The following P2RX5 variants were observed in gnomAD, a reference collection of about 807,000 sequenced individuals.
P2RX5 encodes the protein P2X purinoceptor 5.
P2RX5 carries 46 observed loss-of-function variants against 54.1 expected under a neutral mutation model. That is an observed-to-expected ratio of 0.85 (90% CI 0.67 to 1.09). The LOEUF is 1.09. Among genes scored for constraint, P2RX5 ranks in the 50% least tolerant of loss-of-function variants. The pLI is 0.00. For missense variants in P2RX5, 566 were observed against 549.8 expected (o/e 1.03, Z -0.29); for synonymous variants, 226 against 226.4 (o/e 1.00, Z 0.02).
chr17:3,723,406 A>G, the P2RX5 span: 1 of 1,520,818 alleles, frequency 6.6e-7, no homozygotes, highest in Non-Finnish European at 9.1e-7. Context: ...GGTCTAGTGA[A>G]CACAATTCCT....
chr17:3,684,786 A>C (rs1250589427), intron 9 of P2RX5, among the ~76,000 whole-genome samples: 3 of 151,880 alleles, frequency 2.0e-5, no homozygotes, highest in Non-Finnish European at 4.4e-5. Context: ...CCACCCAAAA[A>C]GTCAGCAGCA....
the P2RX5 span, among the ~76,000 whole-genome samples, chr17:3,703,170 C>G: frequency 6.6e-6 from 1 of 152,108 alleles, no homozygotes; most frequent in Admixed American, 6.6e-5. Context: ...ATGGGCTGAG[C>G]CTTTAGAGAC....
intron 11 of P2RX5, chr17:3,676,592 T>C: frequency 1.0e-6 from 1 of 985,336 alleles, no homozygotes. Context: ...GACCTAGAAA[T>C]TGGCTCCATC....
the P2RX5 span, among the ~76,000 whole-genome samples, chr17:3,708,956 C>G: frequency 6.6e-6 from 1 of 151,778 alleles, no homozygotes; most frequent in East Asian, 1.9e-4. Flanking sequence ...GGTTTTCTTT[C>G]TTTTCTTTTT....
chr17:3,688,931 C>T (rs2050524967), intron 7 of P2RX5, among the ~76,000 whole-genome samples, 172 bp from the exon 8 acceptor site: 1 of 152,230 alleles, frequency 6.6e-6, no homozygotes, highest in African/African-American at 2.4e-5. Context: ...GCTGAGAACA[C>T]TGCGTCGTCC....
At chr17:3,693,583 C>G (rs981254006) in intron 1 of P2RX5, among the ~76,000 whole-genome samples, 29 of 151,864 alleles carry the variant, frequency 1.9e-4, no homozygotes, top group Middle Eastern at 3.2e-3. Flanking sequence ...TAAAAAAATA[C>G]AAAAATTAGC....
chr17:3,675,872 G>A (rs1309083907), intron 11 of P2RX5: 6 of 985,206 alleles, frequency 6.1e-6, no homozygotes, highest in Non-Finnish European at 7.2e-6. Context: ...TTTCTAATCA[G>A]AGAGCAGTAT....
chr17:3,716,685 G>C, the P2RX5 span: 1 of 1,550,448 alleles, frequency 6.4e-7, no homozygotes, highest in Non-Finnish European at 8.9e-7. Flanking sequence ...GAGTAGAACT[G>C]ACCTTGAACA....
Position 3,681,942 on chromosome 17 carries a change from TGAG to T in P2RX5, c.1015_1017del (p.Leu339del). The T allele has an allele frequency of 6.2e-7, 1 of 1,613,722 alleles. No homozygotes were observed. The highest frequency in any genetic ancestry group is 8.5e-7 in the Non-Finnish European group (1 of 1,179,718). ...TCACGGTAAAACTCTCTCTTTTTGATGAGGTAGATGAGTACCAGGTCGCAGAAG... is the reference window on the plus strand; with the variant it reads ...TCACGGTAAAACTCTCTCTTTTTGATGTAGATGAGTACCAGGTCGCAGAAG... On this transcript the variant is annotated inframe_deletion, in exon 10 of 12. Transcript: ENST00000225328.
intron 11 of P2RX5, among the ~76,000 whole-genome samples, chr17:3,674,150 T>TA: frequency 1.3e-5 from 2 of 152,078 alleles, no homozygotes; most frequent in East Asian, 3.9e-4. Context: ...CCGTCTCTAC[T>TA]AAAAATACAA....
upstream of P2RX5, among the ~76,000 whole-genome samples, chr17:3,699,901 G>A (rs1474950902): frequency 4.8e-4 from 16 of 33,042 alleles, no homozygotes; most frequent in South Asian, 4.3e-3. Context: ...AAGGAAGGAA[G>A]GAAGGAAGGA....
chr17:3,695,247 G>A (rs1255067681), intron 1 of P2RX5, among the ~76,000 whole-genome samples: 2 of 152,186 alleles, frequency 1.3e-5, no homozygotes, highest in East Asian at 3.9e-4. Context: ...GCTTTGTGGC[G>A]CCAGCTCCTG....
chr17:3,695,572 C>A (rs1043398474), intron 1 of P2RX5, among the ~76,000 whole-genome samples: 2 of 152,110 alleles, frequency 1.3e-5, no homozygotes, highest in Non-Finnish European at 2.9e-5. Context: ...CACGTGGGGA[C>A]CCGACTCTGG....
At chr17:3,716,741 C>T in the P2RX5 span, 9 of 1,612,484 alleles carry the variant, frequency 5.6e-6, no homozygotes, top group African/African-American at 1.3e-5. Context: ...CCAACGCTGC[C>T]TTTAATGATG....
Position 3,696,072 on chromosome 17 carries a change from T to TC in P2RX5, c.-68dup. The TC allele has an allele frequency of 1.3e-6, 2 of 1,561,794 alleles. No homozygotes were observed. The highest frequency in any genetic ancestry group is 1.7e-6 in the Non-Finnish European group (2 of 1,152,198). ...GCGCTCATGGGGAGCACTCGGTCCCTCGGTCCCTGCGCGCCCGGCGCCCGC... is the reference window on the plus strand; with the variant it reads ...GCGCTCATGGGGAGCACTCGGTCCCTCCGGTCCCTGCGCGCCCGGCGCCCGC... On this transcript the variant is annotated 5_prime_UTR_variant, in exon 1 of 12. Coordinates refer to ENST00000225328, the MANE Select transcript of P2RX5 (RefSeq NM_002561.4).
At chr17:3,689,857 C>A (rs539312657) in intron 6 of P2RX5, among the ~76,000 whole-genome samples, 37 of 152,044 alleles carry the variant, frequency 2.4e-4, no homozygotes, top group African/African-American at 8.9e-4. Context: ...CACGCGTGCA[C>A]GCACGCACAC....
the P2RX5 span, among the ~76,000 whole-genome samples, chr17:3,706,768 C>T: frequency 1.4e-4 from 22 of 152,322 alleles, no homozygotes; most frequent in Admixed American, 5.9e-4. Context: ...CCCACCACCA[C>T]GCCCGGCTAA....
At chr17:3,702,329 C>T in the P2RX5 span, among the ~76,000 whole-genome samples, 2 of 147,324 alleles carry the variant, frequency 1.4e-5, no homozygotes, top group South Asian at 2.2e-4. Context: ...GTAAACGCAC[C>T]AACCAGCACT....
At chr17:3,676,219 G>A (rs2050100943) in intron 11 of P2RX5, 14 of 985,440 alleles carry the variant, frequency 1.4e-5, no homozygotes, top group Non-Finnish European at 1.6e-5. Flanking sequence ...AACGGGGTAG[G>A]AGAAGAGAGC....
Sources: allele counts gnomAD v4.1 joint callset (sites outside exome capture counted in the v4.1 genomes callset), GRCh38; gene constraint gnomAD v4.1.1; transcripts MANE v1.5; gene names NCBI Gene and HGNC (gene_info 2026-07-23, HGNC 2026-07-21).